PADI2: variants seen among roughly 807,000 people sequenced by gnomAD.
The protein encoded by PADI2 is peptidyl arginine deiminase 2, also known as protein-arginine deiminase type-2.
Under a neutral mutation model 81.1 loss-of-function variants are expected in PADI2, and 70 were observed. That is an observed-to-expected ratio of 0.86 (90% CI 0.71 to 1.05). PADI2 has a LOEUF of 1.05. PADI2 is among the 50% of genes least tolerant of loss of function. The pLI is 0.00. For synonymous variants in PADI2, 338 were observed against 358.0 expected (o/e 0.94, Z 0.63); for missense variants, 853 against 889.9 (o/e 0.96, Z 0.53).
intron 10 of PADI2, among the ~76,000 whole-genome samples, chr1:17,082,293 A>T (rs1438558489): frequency 6.6e-6 from 1 of 152,178 alleles, no homozygotes; most frequent in East Asian, 1.9e-4. Context: ...CTCTGGAACT[A>T]GGTCTTAACT....
rs375566852 is a variant in PADI2 at position 17,096,021 on chromosome 1, G to A, written c.350-51C>T. ...TGCTGAGCCTGCCAGGCAGGGCAGG[G>A]CAGGGGCAAGAGGAAGACCTGTGGG... is the stretch of plus-strand genomic sequence containing the variant. On this transcript the variant is annotated intron_variant, in intron 3 of 15. Coordinates refer to ENST00000375486, the MANE Select transcript of PADI2 (RefSeq NM_007365.3). 8.5e-5 allele frequency: 123 copies of A among 1,445,050 alleles called. 2 individuals are homozygous for A. In the South Asian group the frequency reaches 1.1e-3, roughly 13 times the overall value. The allele number at this position is 1,445,050 out of a possible 1,614,324, so 89.5% of individuals were successfully genotyped here.
chr1:17,081,708 C>T (rs986919725), intron 10 of PADI2, among the ~76,000 whole-genome samples: 48 of 152,194 alleles, frequency 3.2e-4, no homozygotes, highest in African/African-American at 1.0e-3. Context: ...AGATTGGTTT[C>T]GGTTCTAACT....
At chr1:17,093,098 C>T (rs964174765) in intron 5 of PADI2, among the ~76,000 whole-genome samples, 10 of 151,212 alleles carry the variant, frequency 6.6e-5, no homozygotes, top group African/African-American at 2.4e-4. Context: ...TCTTCTTCTT[C>T]TTCTTTTTTT....
intron 3 of PADI2, among the ~76,000 whole-genome samples, chr1:17,101,369 C>T (rs1931135440): frequency 6.6e-6 from 1 of 152,164 alleles, no homozygotes; most frequent in African/African-American, 2.4e-5. Flanking sequence ...TGACAGGTGT[C>T]AGGCCCCTGC....
intron 13 of PADI2, 30 bp from the exon 14 acceptor site, chr1:17,071,521 A>C: frequency 6.4e-7 from 1 of 1,560,036 alleles, no homozygotes; most frequent in Non-Finnish European, 8.8e-7. Context: ...GGGGATGGTC[A>C]AGCTTTAGAT....
At position 17,119,354 on chromosome 1, in the gene PADI2, G is replaced by A. The variant is rs540034352; in HGVS notation, c.18C>T (p.Thr6=). 1.9e-6 allele frequency: 3 copies of A among 1,539,922 alleles called. No homozygotes were observed. In the African/African-American group the frequency reaches 4.2e-5, roughly 22 times the overall value. The change falls in exon 1 of 16, where the codon ACC becomes ACT. Residue 6 remains threonine (T), a synonymous_variant. Transcript: ENST00000375486. This position sits in a 1 kb window ranked among gnomAD's most constrained non-coding sequence, Gnocchi z 4.8. Reference sequence around the variant, plus strand: ...CGCGGCTCCCGTACTGCAGCCGCACGGTCCGCTCGCGCAGCATCCTCCCCG... The same window carrying A: ...CGCGGCTCCCGTACTGCAGCCGCACAGTCCGCTCGCGCAGCATCCTCCCCG... MLRER[T]VRLQYGSRVE... is the part of the protein sequence containing the mutation.
At position 17,086,535 on chromosome 1, in the gene PADI2, C is replaced by A. The variant is rs746276160; in HGVS notation, c.820G>T (p.Glu274Ter). Residue 274 changes from glutamate (E) to a stop codon, truncating the protein, a stop_gained, in exon 7 of 16, where the codon GAG (glutamate) becomes TAG (stop). Coordinates refer to ENST00000375486, the MANE Select transcript of PADI2 (RefSeq NM_007365.3). LOFTEE classifies it high-confidence loss of function. ...GGAGCCCTCACCTGGGCCATGTACTCCAGCAGGCTGACATGGATGGAGACC... is the reference window on the plus strand; with the variant it reads ...GGAGCCCTCACCTGGGCCATGTACTACAGCAGGCTGACATGGATGGAGACC... ...GLVSIHVSLL[E>*]YMAQDIPLTP... 6.2e-7 allele frequency: 1 copy of A among 1,613,314 alleles called. No homozygotes were observed. Among genetic ancestry groups the A allele is most frequent in the Non-Finnish European group, 8.5e-7 (1 of 1,179,638 alleles).
At chr1:17,109,222 T>TA (rs1301298288) in intron 1 of PADI2, among the ~76,000 whole-genome samples, 2 of 150,948 alleles carry the variant, frequency 1.3e-5, no homozygotes, top group African/African-American at 4.9e-5. Context: ...CTATCTCTAC[T>TA]AAAAAAAATA....
Position 17,082,719 on chromosome 1 carries a change from C to A in PADI2, c.1051-67G>T. 3.3e-6 allele frequency: 3 copies of A among 911,124 alleles called. No individual in the cohort carries two copies. In the East Asian group the frequency reaches 7.4e-5, roughly 22 times the overall value. The allele number at this position is 911,124 out of a possible 1,614,324, so 56.4% of individuals were successfully genotyped here. On this transcript the variant is annotated intron_variant, in intron 9 of 15. Transcript: ENST00000375486. ...ACAATTTGTGCACATGGGCAGAAAA[C>A]TCGAGAAACACAAGAGCACAAAGGA...
chr1:17,074,950 C>G lies in PADI2; in HGVS notation c.1456-1G>C, dbSNP rs369407341. 5.0e-6 allele frequency: 8 copies of G among 1,606,182 alleles called. No homozygotes were observed. The East Asian group carries it at 6.7e-5, about 13-fold the overall frequency. On this transcript the variant is annotated splice_acceptor_variant, in intron 12 of 15. Coordinates refer to ENST00000375486, the MANE Select transcript of PADI2 (RefSeq NM_007365.3). LOFTEE classifies it high-confidence loss of function. ...TGCTGGCCATGAGTAGCAGGAATTT[C>G]TGCAAGAGACAGTCCAGAGGGACAG...
At position 17,090,581 on chromosome 1, in the gene PADI2, T is replaced by TTGTGTGTGTGTGTGTGTGTG. The variant is rs3036949; in HGVS notation, c.655+1807_655+1826dup. ...TGGTCAATTATCTGTCGTCCTTTGC[T>TTGTGTGTGTGTGTGTGTGTG]TGTGTGTGTGTGTGTGTGTGTGTGT... is the stretch of plus-strand genomic sequence containing the variant. On this transcript the variant is annotated intron_variant, in intron 6 of 15. Coordinates refer to ENST00000375486, the MANE Select transcript of PADI2 (RefSeq NM_007365.3). 1.7e-3 allele frequency among the ~76,000 whole-genome samples: 245 copies of TTGTGTGTGTGTGTGTGTGTG among 142,844 alleles called. 1 individual carries two copies. Among genetic ancestry groups the TTGTGTGTGTGTGTGTGTGTG allele is most frequent in the Middle Eastern group, 3.6e-3 (1 of 280 alleles). 93.7% of individuals were successfully genotyped at this position (142,844 alleles called of 152,430 possible).
intron 7 of PADI2, among the ~76,000 whole-genome samples, chr1:17,085,452 G>A (rs1466378236): frequency 6.6e-6 from 1 of 152,138 alleles, no homozygotes; most frequent in East Asian, 1.9e-4. Flanking sequence ...GGGCATGGGT[G>A]CCATAAGAAG....
At chr1:17,100,715 G>A (rs1363513456) in intron 3 of PADI2, among the ~76,000 whole-genome samples, 3 of 150,954 alleles carry the variant, frequency 2.0e-5, no homozygotes, top group Non-Finnish European at 2.9e-5. Context: ...AGGCTGGAGG[G>A]CAGTGGCACC....
chr1:17,109,880 A>C (rs1931513406), intron 1 of PADI2, among the ~76,000 whole-genome samples: 1 of 152,230 alleles, frequency 6.6e-6, no homozygotes, highest in Admixed American at 6.5e-5. Flanking sequence ...ATGATCTTTT[A>C]GGACCCTGAC....
chr1:17,114,152 G>A (rs1412347108), intron 1 of PADI2, among the ~76,000 whole-genome samples: 3 of 152,200 alleles, frequency 2.0e-5, no homozygotes, highest in Non-Finnish European at 2.9e-5. Flanking sequence ...AGCGCTGCTC[G>A]GGCCAAGCTT....
In PADI2 at chr1:17,083,712, C is replaced by T. The variant is rs764345726; in HGVS notation, c.1050+14G>A. ...GGGGCCATGTCCTTCCCAGCCTGGA[C>T]CTGGGCTCCTTACCTGGATCCAGCG... On this transcript the variant is annotated intron_variant, in intron 9 of 15. Transcript: ENST00000375486. The T allele has an allele frequency of 4.5e-6, 7 of 1,551,118 alleles. No individual in the cohort carries two copies. The highest frequency in any genetic ancestry group is 6.2e-6 in the Non-Finnish European group (7 of 1,122,404).
intron 12 of PADI2, 41 bp from the exon 13 acceptor site, chr1:17,074,990 A>G: frequency 1.5e-6 from 2 of 1,366,706 alleles, no homozygotes; most frequent in Non-Finnish European, 2.1e-6. Flanking sequence ...AGCAGTGGGA[A>G]GGCACCCAAG....
At position 17,092,408 on chromosome 1, in the gene PADI2, T is replaced by G; in HGVS notation, c.655A>C (p.Asn219His). Residue 219 changes from asparagine (N) to histidine (H), a missense_variant and splice_region_variant, in exon 6 of 16, where the codon AAC becomes CAC. By Grantham distance (68) the Asn-to-His change is moderately conservative. Coordinates refer to ENST00000375486, the MANE Select transcript of PADI2 (RefSeq NM_007365.3). ...SDKVGVFYVE[N>H]PFFGQRYIHI... ...GCTGGACTGGGCTGGGATCACTCAC[T>G]CTCCACGTAGAACACGCCCACTTTG... is the stretch of plus-strand genomic sequence containing the variant. The G allele has an allele frequency of 6.3e-7, 1 of 1,599,688 alleles. No individual in the cohort carries two copies. The highest frequency in any genetic ancestry group is 1.4e-5 in the African/African-American group (1 of 73,142).
Position 17,119,210 on chromosome 1 carries a change from C to G in PADI2, c.92+70G>C, listed in dbSNP as rs1368574256. The G allele has an allele frequency of 6.2e-6, 7 of 1,125,248 alleles. No individual in the cohort carries two copies. Among genetic ancestry groups the G allele is most frequent in the Non-Finnish European group, 7.6e-6 (6 of 788,978 alleles). 69.7% of individuals were successfully genotyped at this position (1,125,248 alleles called of 1,614,324 possible). A position where few individuals can be genotyped will look rare whatever the true frequency, so the allele number is the denominator to read the frequency against. On this transcript the variant is annotated intron_variant, in intron 1 of 15. Coordinates refer to ENST00000375486, the MANE Select transcript of PADI2 (RefSeq NM_007365.3). This position sits in a 1 kb window ranked among gnomAD's most constrained non-coding sequence, Gnocchi z 4.8. ...GCTGGACAAAGGCTGTCCACGTCCC[C>G]GAGTCTGAGCGCGTCTCAGGATTTC...
Sources: allele counts gnomAD v4.1 joint callset (sites outside exome capture counted in the v4.1 genomes callset), GRCh38; gene constraint gnomAD v4.1.1; non-coding constraint Gnocchi (gnomAD v3.1); transcripts MANE v1.5; gene names NCBI Gene and HGNC (gene_info 2026-07-23, HGNC 2026-07-21).